CREB3L1: variants seen among roughly 807,000 people sequenced by gnomAD.
The protein encoded by CREB3L1 is cyclic AMP-responsive element-binding protein 3-like protein 1.
A neutral mutation model predicts 54.5 loss-of-function variants in CREB3L1; 33 were observed. The ratio of observed to expected loss-of-function variants is 0.61; its 90% CI spans 0.46 to 0.81. The LOEUF is 0.81. Ranked by LOEUF, CREB3L1 falls within the 30% of genes least tolerant of loss-of-function variation. The pLI, the probability that CREB3L1 is intolerant of heterozygous loss-of-function variation, is 0.00. For synonymous variants in CREB3L1, 284 were observed against 286.4 expected, an observed-to-expected ratio of 0.99 and a Z score of 0.08; for missense variants, 656 against 673.3, an observed-to-expected ratio of 0.97 and a Z score of 0.29.
chr11:46,316,142 C>T lies in CREB3L1; in HGVS notation c.1032-144C>T, dbSNP rs1021419284. 7.3e-5 allele frequency: 44 copies of T among 605,982 alleles called. No individual in the cohort carries two copies. The East Asian group carries it at 1.2e-3, about 16-fold the overall frequency. The allele number at this position is 605,982 out of a possible 1,614,324, so 37.5% of individuals were successfully genotyped here. A position where few individuals can be genotyped will look rare whatever the true frequency, so the allele number is the denominator to read the frequency against. The stretch of plus-strand genomic sequence containing the variant: ...GCCAGGCCACTCTGCAGAGGAGCCA[C>T]GCAGGAGGTGACCTTTCCTATCTTG... On this transcript the variant is annotated intron_variant, in intron 8 of 11. Coordinates refer to ENST00000621158, the MANE Select transcript of CREB3L1 (RefSeq NM_052854.4).
intron 4 of CREB3L1, among the ~76,000 whole-genome samples, 188 bp downstream of exon 4, chr11:46,310,255 T>TTTTGTTTGTTTG (rs10629837): frequency 6.7e-6 from 1 of 150,004 alleles, no homozygotes; most frequent in African/African-American, 2.5e-5. Context: ...CGTTTTTGTT[T>TTTTGTTTGTTTG]TTTGTTTGTT....
chr11:46,290,622 G>A (rs1218765130), intron 1 of CREB3L1, among the ~76,000 whole-genome samples: 1 of 151,724 alleles, frequency 6.6e-6, no homozygotes, highest in Non-Finnish European at 1.5e-5. Context: ...TCTGCAGGAG[G>A]GGAAGGGCTC....
At chr11:46,310,995 G>A (rs753092259) in intron 4 of CREB3L1, 37 bp from the exon 5 acceptor site, 41 of 1,531,796 alleles carry the variant, frequency 2.7e-5, no homozygotes, top group Non-Finnish European at 3.6e-5. Flanking sequence ...GAGCTGATGT[G>A]CAACGTTGCT....
chr11:46,299,675 A>C (rs1000600369), intron 1 of CREB3L1, among the ~76,000 whole-genome samples: 1 of 152,140 alleles, frequency 6.6e-6, no homozygotes, highest in African/African-American at 2.4e-5. Context: ...TGCAGATAAC[A>C]ATGGTGAGCG....
At chr11:46,282,617 A>G (rs1938996221) in intron 1 of CREB3L1, among the ~76,000 whole-genome samples, 1 of 152,138 alleles carries the variant, frequency 6.6e-6, no homozygotes, top group African/African-American at 2.4e-5. Context: ...ATCCCAGCTC[A>G]AATATTGCCT....
At chr11:46,306,307 G>A (rs949820772) in intron 2 of CREB3L1, among the ~76,000 whole-genome samples, 2 of 152,118 alleles carry the variant, frequency 1.3e-5, no homozygotes, top group African/African-American at 4.8e-5. Context: ...CTTGAGTTCA[G>A]GAGTTCGAGA....
At chr11:46,284,655 CA>C (rs10715929) in intron 1 of CREB3L1, among the ~76,000 whole-genome samples, 81,194 of 134,260 alleles carry the variant, frequency 0.6, 24,828 homozygotes, top group African/African-American at 0.83. Flanking sequence ...ACTCCATCTC[CA>C]AAAAAAAAAA....
intron 1 of CREB3L1, among the ~76,000 whole-genome samples, chr11:46,288,891 G>C (rs1939094506): frequency 6.6e-6 from 1 of 152,164 alleles, no homozygotes. Context: ...TAACTACTCT[G>C]AGCCTCAGCG....
intron 1 of CREB3L1, among the ~76,000 whole-genome samples, chr11:46,284,390 C>A (rs1219036412): frequency 6.6e-6 from 1 of 152,112 alleles, no homozygotes; most frequent in Admixed American, 6.6e-5. Flanking sequence ...GTAGCTCATG[C>A]CCATAATACC....
chr11:46,288,283 T>C (rs573417921), intron 1 of CREB3L1, among the ~76,000 whole-genome samples: 8 of 152,258 alleles, frequency 5.3e-5, no homozygotes, highest in Admixed American at 3.9e-4. Context: ...GGTTTTGTTA[T>C]GTTGGCCAGG....
At chr11:46,288,012 C>T (rs1363149023) in intron 1 of CREB3L1, among the ~76,000 whole-genome samples, 1 of 152,032 alleles carries the variant, frequency 6.6e-6, no homozygotes, top group Non-Finnish European at 1.5e-5. Flanking sequence ...ATGGGGTATC[C>T]ATCCCCTCGG....
At chr11:46,288,231 G>A (rs886699140) in intron 1 of CREB3L1, among the ~76,000 whole-genome samples, 2 of 152,024 alleles carry the variant, frequency 1.3e-5, no homozygotes, top group African/African-American at 4.8e-5. Flanking sequence ...ACAGGCATGC[G>A]CCATGACACC....
chr11:46,321,306 C>G lies in CREB3L1; in HGVS notation c.*560C>G, dbSNP rs1225816762. 4 of 254,142 alleles carry G rather than the reference C, an allele frequency of 1.6e-5. No individual in the cohort carries two copies. Among genetic ancestry groups the G allele is most frequent in the Non-Finnish European group, 1.6e-5 (2 of 127,742 alleles). 15.7% of individuals were successfully genotyped at this position (254,142 alleles called of 1,614,324 possible). A position where few individuals can be genotyped will look rare whatever the true frequency, so the allele number is the denominator to read the frequency against. ...ACTACCTGACCCTCACCTGGCACCC[C>G]CCTGCTGCTGCCCAAGCCGCTGGGC... On this transcript the variant is annotated 3_prime_UTR_variant, in exon 12 of 12. Transcript: ENST00000621158.
chr11:46,319,618 C>T (rs144581126), intron 10 of CREB3L1, among the ~76,000 whole-genome samples: 1,685 of 152,152 alleles, frequency 0.011, 32 homozygotes, highest in African/African-American at 0.037. Flanking sequence ...TAACTCACTC[C>T]GGTAATCTCA....
chr11:46,304,819 A>C (rs574240176), intron 2 of CREB3L1, among the ~76,000 whole-genome samples: 15 of 151,882 alleles, frequency 9.9e-5, no homozygotes, highest in Non-Finnish European at 2.1e-4. Context: ...AGCCTCCCAA[A>C]TTGCTGAGAT....
Position 46,312,643 on chromosome 11 carries a change from A to T in CREB3L1, c.935A>T (p.Lys312Met). 1 of 1,611,426 alleles carries T rather than the reference A, an allele frequency of 6.2e-7. No individual in the cohort carries two copies. Among genetic ancestry groups the T allele is most frequent in the Non-Finnish European group, 8.5e-7 (1 of 1,178,656 alleles). Residue 312 changes from lysine (K) to methionine (M), a missense_variant, in exon 7 of 12, where the codon AAG becomes ATG. Coordinates refer to ENST00000621158, the MANE Select transcript of CREB3L1 (RefSeq NM_052854.4). Reference protein sequence around the residue: ...ISAQESRRKKKEYVECLEKKV... With the variant: ...ISAQESRRKKMEYVECLEKKV... The stretch of plus-strand genomic sequence containing the variant: ...GCCCAGGAGAGCCGTCGTAAGAAGA[A>T]GGAGTATGTGGAGTGTCTAGAAAAG...
intron 2 of CREB3L1, among the ~76,000 whole-genome samples, chr11:46,304,903 G>T (rs1939356743): frequency 6.6e-6 from 1 of 152,142 alleles, no homozygotes; most frequent in Admixed American, 6.5e-5. Flanking sequence ...CTTTGCAGGG[G>T]GCAGCTTCCC....
At chr11:46,282,855 A>T (rs1403307876) in intron 1 of CREB3L1, among the ~76,000 whole-genome samples, 1 of 152,244 alleles carries the variant, frequency 6.6e-6, no homozygotes, top group African/African-American at 2.4e-5. Flanking sequence ...TCAATGTAGT[A>T]AAATTCTACA....
At chr11:46,301,567 G>A (rs1158507800) in intron 2 of CREB3L1, among the ~76,000 whole-genome samples, 1 of 152,062 alleles carries the variant, frequency 6.6e-6, no homozygotes, top group Non-Finnish European at 1.5e-5. Flanking sequence ...GAAGGCTGAG[G>A]CAGGAGAATC....
Sources: gnomAD v4.1 joint callset for allele counts (sites outside exome capture counted in the v4.1 genomes callset) on GRCh38, gnomAD v4.1.1 for gene constraint, MANE v1.5 for transcripts, NCBI Gene and HGNC (gene_info 2026-07-23, HGNC 2026-07-21) for gene names.